The following IL4R variants were observed in gnomAD, a reference collection of about 807,000 sequenced individuals.
IL4R encodes interleukin 4 receptor.
Under a neutral mutation model 41.5 loss-of-function variants are expected in IL4R, and 17 were observed. The observed-to-expected ratio is 0.41, with a 90% CI of 0.28 to 0.61. The LOEUF (loss-of-function observed/expected upper bound fraction) is 0.61, where lower values mean the gene tolerates loss of function less well. Among genes scored for constraint, IL4R ranks in the 20% least tolerant of loss-of-function variants. The pLI is 0.31. For missense variants in IL4R, 974 were observed against 1,043.1 expected, an observed-to-expected ratio of 0.93 and a Z score of 0.91; for synonymous variants, 402 against 422.9, an observed-to-expected ratio of 0.95 and a Z score of 0.61.
At position 27,362,826 on chromosome 16, in the gene IL4R, G is replaced by A. The variant is rs35606110; in HGVS notation, c.1474G>A (p.Ala492Thr). The A allele has an allele frequency of 7.5e-4, 1,211 of 1,614,070 alleles. 7 individuals are homozygous for A. The African/African-American group carries it at 0.014, about 19-fold the overall frequency. Residue 492 changes from alanine to threonine, a missense_variant, in exon 11 of 11, where the codon GCA (alanine) becomes ACA (threonine). Transcript: ENST00000395762. Reference sequence around the variant, plus strand: ...TTGCACAGAGACGCCCCTCGTCATCGCAGGCAACCCTGCTTACCGCAGCTT... The same window carrying A: ...TTGCACAGAGACGCCCCTCGTCATCACAGGCAACCCTGCTTACCGCAGCTT... ...LTCTETPLVI[A>T]GNPAYRSFSN...
chr16:27,314,146 G>T (rs2084554027), intron 1 of IL4R, 126 bp downstream of exon 1: 1 of 960,432 alleles, frequency 1.0e-6, no homozygotes. Context: ...TCCGAGCGGG[G>T]CCCGAGCCCG....
chr16:27,341,951 C>G (rs560168827), intron 3 of IL4R, 170 bp from the exon 4 acceptor site: 18 of 636,106 alleles, frequency 2.8e-5, no homozygotes, highest in East Asian at 2.5e-4. Flanking sequence ...CATCCCGACA[C>G]TAGCTGGGAA....
chr16:27,317,037 G>A (rs527462742), intron 1 of IL4R, among the ~76,000 whole-genome samples: 14 of 152,136 alleles, frequency 9.2e-5, no homozygotes, highest in Non-Finnish European at 1.5e-4. Context: ...CTGAGTAGCT[G>A]GGACTACAGG....
At chr16:27,354,951 G>A (rs2086008461) in intron 7 of IL4R, 2 of 442,154 alleles carry the variant, frequency 4.5e-6, no homozygotes, top group Admixed American at 4.8e-5. Flanking sequence ...ATCTGCCATT[G>A]GCATGGGGAA....
At chr16:27,362,124 A>C in intron 10 of IL4R, 128 bp from the exon 11 acceptor site, 3 of 850,586 alleles carry the variant, frequency 3.5e-6, no homozygotes, top group African/African-American at 1.7e-5. Flanking sequence ...ATTACTGATT[A>C]TAACGTTAGA....
chr16:27,341,928 C>T, intron 3 of IL4R, 193 bp from the exon 4 acceptor site: 2 of 580,076 alleles, frequency 3.4e-6, no homozygotes, highest in South Asian at 2.4e-5. Flanking sequence ...GGTATTTCTT[C>T]AGCTTCCACA....
At chr16:27,327,201 G>A (rs1460359819) in intron 1 of IL4R, among the ~76,000 whole-genome samples, 2 of 152,074 alleles carry the variant, frequency 1.3e-5, no homozygotes, top group African/African-American at 2.4e-5. Context: ...TGTCACAGAG[G>A]TGCTTGCATC....
chr16:27,318,411 A>T (rs1366963676), intron 1 of IL4R, among the ~76,000 whole-genome samples: 1 of 151,336 alleles, frequency 6.6e-6, no homozygotes, highest in Non-Finnish European at 1.5e-5. Flanking sequence ...AAGTGGAATC[A>T]GGGAGGGCTT....
At chr16:27,332,545 A>C (rs2085140956) in intron 2 of IL4R, among the ~76,000 whole-genome samples, 1 of 152,086 alleles carries the variant, frequency 6.6e-6, no homozygotes, top group Non-Finnish European at 1.5e-5. Flanking sequence ...CATTATTATT[A>C]ATTAGTGCCT....
At chr16:27,318,904 A>G (rs1002278033) in intron 1 of IL4R, 2 of 152,152 alleles carry the variant, frequency 1.3e-5, no homozygotes, top group African/African-American at 2.4e-5. Flanking sequence ...ACACGCGCTC[A>G]CATATCTCGA....
rs1377303891 is a variant in IL4R, at chr16:27,345,011, AGCGAGCATGGTGAGCAGGGCGGAGTGCG to A, written c.355_361+21del. On this transcript the variant is annotated splice_donor_variant and splice_donor_5th_base_variant and coding_sequence_variant and intron_variant, in exon 5 of 11. Transcript: ENST00000395762. LOFTEE classifies it high-confidence loss of function. This position sits in a 1 kb window ranked among gnomAD's most constrained non-coding sequence, Gnocchi z 4.5. ...GCTGTGGAAGGGCTCCTTCAAGCCC[AGCGAGCATGGTGAGCAGGGCGGAGTGCG>A]GCAGGGGTGGCTGGGTGTGTTCCCA... 6.6e-7 allele frequency: 1 copy of A among 1,520,012 alleles called. No individual in the cohort carries two copies. Among genetic ancestry groups the A allele is most frequent in the Admixed American group, 1.8e-5 (1 of 56,598 alleles). The allele number at this position is 1,520,012 out of a possible 1,614,324, so 94.2% of individuals were successfully genotyped here. A position where few individuals can be genotyped will look rare whatever the true frequency, so the allele number is the denominator to read the frequency against.
At chr16:27,326,538 T>C (rs2084958838) in intron 1 of IL4R, among the ~76,000 whole-genome samples, 1 of 152,102 alleles carries the variant, frequency 6.6e-6, no homozygotes, top group Middle Eastern at 3.2e-3. Flanking sequence ...TGGTGGTGTG[T>C]GCCTGTAGTC....
rs984623419 is a variant in IL4R at position 27,345,202 on chromosome 16, C to T, written c.361+182C>T. ...GGCCTCAGTCCTCCCACCTTTGAAA[C>T]GGAGCTGGTCGCAGTAGACCACCAA... On this transcript the variant is annotated intron_variant, in intron 5 of 10. Transcript: ENST00000395762. This position sits in a 1 kb window ranked among gnomAD's most constrained non-coding sequence, Gnocchi z 4.5. 12 of 746,558 alleles carry T rather than the reference C, an allele frequency of 1.6e-5. No homozygotes were observed. In the East Asian group the frequency reaches 2.2e-4, roughly 13 times the overall value. 46.2% of individuals were successfully genotyped at this position (746,558 alleles called of 1,614,324 possible). A position where few individuals can be genotyped will look rare whatever the true frequency, so the allele number is the denominator to read the frequency against.
At chr16:27,353,724 C>G (rs1393499268) in intron 7 of IL4R, among the ~76,000 whole-genome samples, 1 of 152,080 alleles carries the variant, frequency 6.6e-6, no homozygotes, top group East Asian at 1.9e-4. Flanking sequence ...CTTTTGACCT[C>G]CTGGGCTCCA....
intron 1 of IL4R, among the ~76,000 whole-genome samples, chr16:27,322,255 A>T (rs1220681466): frequency 6.6e-6 from 1 of 152,158 alleles, no homozygotes; most frequent in Non-Finnish European, 1.5e-5. Context: ...GAGTAGAATA[A>T]GGGTTCAGGA....
At chr16:27,358,645 G>A (rs1399771499) in intron 8 of IL4R, among the ~76,000 whole-genome samples, 1 of 152,160 alleles carries the variant, frequency 6.6e-6, no homozygotes, top group African/African-American at 2.4e-5. Flanking sequence ...CTCTGTGCTG[G>A]GTAACAGAAT....
In IL4R at chr16:27,350,174, G is replaced by A. The variant is rs145864187; in HGVS notation, c.514-2366G>A. Among the ~76,000 whole-genome samples the A allele has an allele frequency of 1.1e-4, 16 of 152,242 alleles. No individual in the cohort carries two copies. The East Asian group carries it at 2.1e-3, about 20-fold the overall frequency. On this transcript the variant is annotated intron_variant, in intron 6 of 10. Coordinates refer to ENST00000395762, the MANE Select transcript of IL4R (RefSeq NM_000418.4). ...CTTCTTGTTAAAAAACAGACAAACCGCAAGTAGTTCTTTGGAAGCTCAGAT... is the reference window on the plus strand; with the variant it reads ...CTTCTTGTTAAAAAACAGACAAACCACAAGTAGTTCTTTGGAAGCTCAGAT...
At chr16:27,322,146 T>C (rs1254773437) in intron 1 of IL4R, among the ~76,000 whole-genome samples, 3 of 151,718 alleles carry the variant, frequency 2.0e-5, no homozygotes, top group Non-Finnish European at 4.4e-5. Flanking sequence ...GTAATACAAT[T>C]ACAATTCACC....
In IL4R at chr16:27,344,953, C is replaced by G. The variant is rs1209776889; in HGVS notation, c.294C>G (p.Asn98Lys). ...TGGATGACGTGGTCAGTGCGGATAACTATACACTGGACCTGTGGGCTGGGC... is the reference window on the plus strand; with the variant it reads ...TGGATGACGTGGTCAGTGCGGATAAGTATACACTGGACCTGTGGGCTGGGC... ...LLMDDVVSAD[N>K]YTLDLWAGQQ... Residue 98 changes from asparagine to lysine, a missense_variant, in exon 5 of 11, where the codon AAC (asparagine) becomes AAG (lysine). Asn to Lys is a moderately conservative substitution (Grantham distance 94). This residue lies in a region of IL4R where 284 missense variants were observed against 313.4 expected (regional missense o/e 0.91). Transcript: ENST00000395762. 6.2e-7 allele frequency: 1 copy of G among 1,614,094 alleles called. No individual in the cohort carries two copies. The highest frequency in any genetic ancestry group is 1.7e-5 in the Admixed American group (1 of 60,014).
Sources: allele counts gnomAD v4.1 joint callset (sites outside exome capture counted in the v4.1 genomes callset), GRCh38; gene constraint gnomAD v4.1.1; regional missense constraint gnomAD v4.1.1; non-coding constraint Gnocchi (gnomAD v3.1); transcripts MANE v1.5; gene names NCBI Gene and HGNC (gene_info 2026-07-23, HGNC 2026-07-21).